MAML1: variants seen among roughly 807,000 people sequenced by gnomAD.
MAML1 encodes mastermind-like protein 1.
A neutral mutation model predicts 77.1 loss-of-function variants in MAML1; 14 were observed. The ratio of observed to expected loss-of-function variants is 0.18; its 90% CI spans 0.12 to 0.28. The LOEUF is 0.28. Ranked by LOEUF, MAML1 falls within the 10% of genes least tolerant of loss-of-function variation. The pLI is 1.00. For missense variants in MAML1, 1,217 were observed against 1,327.8 expected (o/e 0.92, Z 1.30); for synonymous variants, 516 against 551.9 (o/e 0.93, Z 0.91).
chr5:179,774,980 A>T lies in MAML1; in HGVS notation c.*103A>T. 1 of 1,497,278 alleles carries T rather than the reference A, an allele frequency of 6.7e-7. No individual in the cohort carries two copies. The highest frequency in any genetic ancestry group is 8.8e-7 in the Non-Finnish European group (1 of 1,131,896). The allele number at this position is 1,497,278 out of a possible 1,614,324, so 92.7% of individuals were successfully genotyped here. A position where few individuals can be genotyped will look rare whatever the true frequency, so the allele number is the denominator to read the frequency against. On this transcript the variant is annotated 3_prime_UTR_variant, in exon 5 of 5. Transcript: ENST00000292599. Reference sequence around the variant, plus strand: ...TGGACCAAAAGCCCATGGCCTGGGGAGCTGGGCAGGTAGAGCCCAAGCTCC... The same window carrying T: ...TGGACCAAAAGCCCATGGCCTGGGGTGCTGGGCAGGTAGAGCCCAAGCTCC...
At chr5:179,739,426 G>A (rs920561621) in intron 1 of MAML1, among the ~76,000 whole-genome samples, 1 of 152,182 alleles carries the variant, frequency 6.6e-6, no homozygotes, top group African/African-American at 2.4e-5. Context: ...ATATAGCTGG[G>A]TATGGTGGCT....
Position 179,775,951 on chromosome 5 carries a change from G to A in MAML1, c.*1074G>A. ...GAGGCCGTAGGCCGGCCCGGAGGAA[G>A]CAATTCCACTTGGTTTGACAACTTC... On this transcript the variant is annotated 3_prime_UTR_variant, in exon 5 of 5. Transcript: ENST00000292599. The A allele has an allele frequency of 1.0e-6, 1 of 985,764 alleles. No individual in the cohort carries two copies. The highest frequency in any genetic ancestry group is 1.2e-6 in the Non-Finnish European group (1 of 829,944). 61.1% of individuals were successfully genotyped at this position (985,764 alleles called of 1,614,324 possible). A position where few individuals can be genotyped will look rare whatever the true frequency, so the allele number is the denominator to read the frequency against.
chr5:179,765,682 G>A lies in MAML1; in HGVS notation c.672G>A (p.Leu224=). ...TGAAGCAGGAGCCTGTCGAAGACCT[G>A]CCTTGCATGATCACTGGGACTGTCG... The part of the protein sequence containing the change: ...KELKQEPVED[L]PCMITGTVGS... The change falls in exon 2 of 5, where the codon CTG becomes CTA. Residue 224 remains leucine (L), a synonymous_variant. Coordinates refer to ENST00000292599, the MANE Select transcript of MAML1 (RefSeq NM_014757.5). 6.2e-7 allele frequency: 1 copy of A among 1,614,210 alleles called. No homozygotes were observed. Among genetic ancestry groups the A allele is most frequent in the Non-Finnish European group, 8.5e-7 (1 of 1,180,026 alleles).
chr5:179,747,858 T>C (rs1323557573), intron 1 of MAML1, among the ~76,000 whole-genome samples: 1 of 142,066 alleles, frequency 7.0e-6, no homozygotes, highest in Non-Finnish European at 1.5e-5. Flanking sequence ...TGCTGCAACA[T>C]GATCTTTGAG....
At chr5:179,737,668 A>C (rs908203396) in intron 1 of MAML1, among the ~76,000 whole-genome samples, 1 of 152,170 alleles carries the variant, frequency 6.6e-6, no homozygotes, top group African/African-American at 2.4e-5. Flanking sequence ...ACTTCACTTC[A>C]GATTATTGTT....
chr5:179,735,251 A>G (rs544190259), intron 1 of MAML1, among the ~76,000 whole-genome samples: 6 of 152,200 alleles, frequency 3.9e-5, no homozygotes, highest in Admixed American at 1.3e-4. Context: ...CATCCCTTTC[A>G]GAATCCTGCC....
chr5:179,744,069 ATTC>A (rs1260773134), intron 1 of MAML1, among the ~76,000 whole-genome samples: 1 of 152,220 alleles, frequency 6.6e-6, no homozygotes, highest in Non-Finnish European at 1.5e-5. Flanking sequence ...TGGAACTTGC[ATTC>A]TTTTTACACT....
chr5:179,733,155 C>T lies in MAML1; in HGVS notation c.43C>T (p.Arg15Trp). ...TCPMAEFALPRHSAVMERLRR... is the reference protein window; with the variant it reads ...TCPMAEFALPWHSAVMERLRR... The stretch of plus-strand genomic sequence containing the variant: ...CCCCATGGCGGAGTTCGCGCTGCCG[C>T]GGCACAGCGCGGTCATGGAGCGCCT... Residue 15 changes from arginine to tryptophan, a missense_variant, in exon 1 of 5, where the codon CGG (arginine) becomes TGG (tryptophan). By Grantham distance (101) the Arg-to-Trp change is moderately radical (BLOSUM62 -3). Coordinates refer to ENST00000292599, the MANE Select transcript of MAML1 (RefSeq NM_014757.5). 1.4e-6 allele frequency: 2 copies of T among 1,456,484 alleles called. No homozygotes were observed. The highest frequency in any genetic ancestry group is 1.5e-5 in the African/African-American group (1 of 67,448). The allele number at this position is 1,456,484 out of a possible 1,614,324, so 90.2% of individuals were successfully genotyped here.
chr5:179,752,340 A>ATATATATATATATAT (rs1413175645), intron 1 of MAML1, among the ~76,000 whole-genome samples: 19 of 53,478 alleles, frequency 3.6e-4, no homozygotes, highest in East Asian at 3.2e-3. Context: ...AAAAAAAAAA[A>ATATATATATATATAT]AAAAAAAAAA....
At chr5:179,754,916 A>C (rs1779581432) in intron 1 of MAML1, among the ~76,000 whole-genome samples, 1 of 152,230 alleles carries the variant, frequency 6.6e-6, no homozygotes, top group South Asian at 2.1e-4. Flanking sequence ...GCAGGTCCAG[A>C]GGGAATAAGA....
At chr5:179,773,809 G>T (rs558890227) in intron 4 of MAML1, 86 bp from the exon 5 acceptor site, 1 of 1,524,744 alleles carries the variant, frequency 6.6e-7, no homozygotes. Context: ...TGCCGTGAAC[G>T]TGAGACTTCT....
chr5:179,760,607 G>T (rs1779706822), intron 1 of MAML1, among the ~76,000 whole-genome samples: 1 of 152,140 alleles, frequency 6.6e-6, no homozygotes, highest in African/African-American at 2.4e-5. Context: ...GTGATGTTCA[G>T]TCATGGGAAT....
At chr5:179,733,970 A>G (rs1452599248) in intron 1 of MAML1, among the ~76,000 whole-genome samples, 3 of 152,254 alleles carry the variant, frequency 2.0e-5, no homozygotes, top group Admixed American at 6.5e-5. Flanking sequence ...TGAGTTGCAT[A>G]TAAGTATTCC....
intron 1 of MAML1, among the ~76,000 whole-genome samples, chr5:179,748,961 T>G (rs6864680): frequency 1.8e-3 from 267 of 151,506 alleles, no homozygotes; most frequent in African/African-American, 5.4e-3. Flanking sequence ...TTTTTTTTTT[T>G]TTTGTTTTTT....
Position 179,774,524 on chromosome 5 carries a change from G to C in MAML1, c.2698G>C (p.Gly900Arg), listed in dbSNP as rs1756086690. The C allele has an allele frequency of 6.2e-7, 1 of 1,613,008 alleles. No homozygotes were observed. Among genetic ancestry groups the C allele is most frequent in the African/African-American group, 1.3e-5 (1 of 74,944 alleles). ...TCCCATGAGCTCAGCAGCTGCCGTG[G>C]GGTCCTTGCTACCCCCAGTGAGTGC... is the stretch of plus-strand genomic sequence containing the variant. ...MAPMSSAAAV[G>R]SLLPPVSAQQ... Residue 900 changes from glycine to arginine, a missense_variant, in exon 5 of 5, where the codon GGG becomes CGG. Around this residue, in one of 3 missense-constraint regions of MAML1, gnomAD observed 884 missense variants for 949.3 expected, o/e 0.93. Coordinates refer to ENST00000292599, the MANE Select transcript of MAML1 (RefSeq NM_014757.5).
At chr5:179,759,376 G>T (rs186275203) in intron 1 of MAML1, among the ~76,000 whole-genome samples, 1 of 152,306 alleles carries the variant, frequency 6.6e-6, no homozygotes, top group East Asian at 1.9e-4. Flanking sequence ...TGTTTTGAAG[G>T]TTGAGTGAGA....
At chr5:179,742,803 G>A (rs1779307925) in intron 1 of MAML1, among the ~76,000 whole-genome samples, 1 of 152,156 alleles carries the variant, frequency 6.6e-6, no homozygotes, top group Non-Finnish European at 1.5e-5. Flanking sequence ...GACAGAGCAA[G>A]ATTCCATCTA....
rs910955812 is a variant in MAML1 at position 179,751,219 on chromosome 5, C to T, written c.316-14107C>T. Among the ~76,000 whole-genome samples the T allele has an allele frequency of 5.9e-5, 9 of 151,936 alleles. No individual in the cohort carries two copies. The South Asian group carries it at 8.3e-4, about 14-fold the overall frequency. ...AACTCCTGACCTCAGGTGATCCACCCGCCTCGGCCTCCTAAAGTGCTGGGA... is the reference window on the plus strand; with the variant it reads ...AACTCCTGACCTCAGGTGATCCACCTGCCTCGGCCTCCTAAAGTGCTGGGA... On this transcript the variant is annotated intron_variant, in intron 1 of 4. Transcript: ENST00000292599.
Position 179,773,909 on chromosome 5 carries a change from G to A in MAML1, c.2083G>A (p.Val695Met), listed in dbSNP as rs748631126. 9.3e-6 allele frequency: 15 copies of A among 1,612,998 alleles called. No individual in the cohort carries two copies. Among genetic ancestry groups the A allele is most frequent in the Middle Eastern group, 1.6e-4 (1 of 6,084 alleles). The change falls in exon 5 of 5, where the codon GTG becomes ATG. Residue 695 changes from valine (V) to methionine (M), a missense_variant. This residue lies in a region of MAML1 where 884 missense variants were observed against 949.3 expected (regional missense o/e 0.93). Transcript: ENST00000292599. ...CTGTCTTGTAGGGTCCTCTGCTGCCGTGCCCGGCATGAACACCTTGGGTCC... is the reference window on the plus strand; with the variant it reads ...CTGTCTTGTAGGGTCCTCTGCTGCCATGCCCGGCATGAACACCTTGGGTCC... ...VGQFTGSSAA[V>M]PGMNTLGPSN... is the part of the protein sequence containing the mutation.
Sources: allele counts gnomAD v4.1 joint callset (sites outside exome capture counted in the v4.1 genomes callset), GRCh38; gene constraint gnomAD v4.1.1; regional missense constraint gnomAD v4.1.1; transcripts MANE v1.5; gene names NCBI Gene and HGNC (gene_info 2026-07-23, HGNC 2026-07-21).